The following HS3ST2 variants were observed in gnomAD, a reference collection of about 807,000 sequenced individuals.
HS3ST2 encodes the protein heparan sulfate glucosamine 3-O-sulfotransferase 2.
Under a neutral mutation model 26.3 loss-of-function variants are expected in HS3ST2, and 17 were observed. The ratio of observed to expected loss-of-function variants is 0.65; its 90% CI spans 0.44 to 0.97. HS3ST2 has a LOEUF of 0.97. Among genes scored for constraint, HS3ST2 ranks in the 50% least tolerant of loss-of-function variants. The pLI, the probability that HS3ST2 is intolerant of heterozygous loss-of-function variation, is 0.00. For missense variants in HS3ST2, 402 were observed against 501.2 expected, an observed-to-expected ratio of 0.80 and a Z score of 1.89; for synonymous variants, 237 against 219.2, an observed-to-expected ratio of 1.08 and a Z score of -0.72.
At chr16:22,886,693 A>G (rs771886399) in intron 1 of HS3ST2, among the ~76,000 whole-genome samples, 57 of 152,026 alleles carry the variant, frequency 3.7e-4, no homozygotes, top group Non-Finnish European at 5.6e-4. Flanking sequence ...AAAGGGAGAC[A>G]TTTACTCTGT....
intron 1 of HS3ST2, among the ~76,000 whole-genome samples, chr16:22,825,453 G>A (rs1302231841): frequency 6.6e-6 from 1 of 152,164 alleles, no homozygotes; most frequent in African/African-American, 2.4e-5. Flanking sequence ...GATGTTCGTG[G>A]AAAGTTTGCA....
At chr16:22,908,874 G>A (rs1304890018) in intron 1 of HS3ST2, among the ~76,000 whole-genome samples, 2 of 152,148 alleles carry the variant, frequency 1.3e-5, no homozygotes, top group Non-Finnish European at 2.9e-5. Context: ...AGGCCAGACT[G>A]TAAAAGATAG....
intron 1 of HS3ST2, among the ~76,000 whole-genome samples, chr16:22,914,231 T>C (rs1902460609): frequency 6.6e-6 from 1 of 152,184 alleles, no homozygotes; most frequent in Non-Finnish European, 1.5e-5. Flanking sequence ...ACCACTTTTA[T>C]TGGTAACTTA....
At chr16:22,908,166 T>C (rs1261959843) in intron 1 of HS3ST2, among the ~76,000 whole-genome samples, 1 of 152,108 alleles carries the variant, frequency 6.6e-6, no homozygotes, top group Non-Finnish European at 1.5e-5. Context: ...AAGTGGAATG[T>C]AGGCCATTGA....
chr16:22,818,247 A>C (rs1324999385), intron 1 of HS3ST2, among the ~76,000 whole-genome samples: 1 of 152,220 alleles, frequency 6.6e-6, no homozygotes, highest in Non-Finnish European at 1.5e-5. Flanking sequence ...GAACCAGGAC[A>C]GGGAACCACA....
intron 1 of HS3ST2, among the ~76,000 whole-genome samples, chr16:22,837,553 A>ATG (rs1284425384): frequency 2.1e-5 from 3 of 141,058 alleles, no homozygotes; most frequent in African/African-American, 8.1e-5. Flanking sequence ...ATGTATATAT[A>ATG]TGTATATATA....
chr16:22,894,949 T>A (rs571870701), intron 1 of HS3ST2, among the ~76,000 whole-genome samples: 1 of 152,346 alleles, frequency 6.6e-6, no homozygotes, highest in African/African-American at 2.4e-5. Context: ...TTATATTTTT[T>A]ATCCACTTAT....
At chr16:22,852,394 G>C (rs762125551) in intron 1 of HS3ST2, among the ~76,000 whole-genome samples, 59 of 152,268 alleles carry the variant, frequency 3.9e-4, no homozygotes, top group Non-Finnish European at 3.7e-4. Flanking sequence ...CCATGTTTTA[G>C]GAGGCAAGCT....
chr16:22,869,156 C>T (rs1901797665), intron 1 of HS3ST2, among the ~76,000 whole-genome samples: 1 of 151,940 alleles, frequency 6.6e-6, no homozygotes, highest in Non-Finnish European at 1.5e-5. Context: ...TAAAACTAGC[C>T]CTCAGAGACA....
intron 1 of HS3ST2, among the ~76,000 whole-genome samples, chr16:22,858,073 C>T (rs1901623876): frequency 7.0e-6 from 1 of 143,334 alleles, no homozygotes; most frequent in African/African-American, 2.7e-5. Context: ...ACACTTTTGC[C>T]CTCTTTAAGA....
At chr16:22,866,363 G>GGTGTGTGT (rs1442625101) in intron 1 of HS3ST2, among the ~76,000 whole-genome samples, 131 of 115,092 alleles carry the variant, frequency 1.1e-3, no homozygotes, top group African/African-American at 4.2e-3. Flanking sequence ...TTGACAATAT[G>GGTGTGTGT]GTGTGCGTGT....
chr16:22,856,806 A>G (rs891521261), intron 1 of HS3ST2, among the ~76,000 whole-genome samples: 5 of 152,052 alleles, frequency 3.3e-5, no homozygotes, highest in African/African-American at 1.2e-4. Flanking sequence ...TTTAATTCTG[A>G]CTTTTCTCAG....
chr16:22,843,172 G>A (rs1025023904), intron 1 of HS3ST2, among the ~76,000 whole-genome samples: 2 of 152,090 alleles, frequency 1.3e-5, no homozygotes, highest in Non-Finnish European at 2.9e-5. Flanking sequence ...GTGTGTGTGT[G>A]TGTGAACACA....
chr16:22,817,958 A>G (rs1171700278), intron 1 of HS3ST2, among the ~76,000 whole-genome samples: 1 of 152,234 alleles, frequency 6.6e-6, no homozygotes, highest in Non-Finnish European at 1.5e-5. Context: ...AGACACCATC[A>G]TTTGGAGAGA....
At chr16:22,828,055 G>T (rs1197692840) in intron 1 of HS3ST2, among the ~76,000 whole-genome samples, 1 of 152,096 alleles carries the variant, frequency 6.6e-6, no homozygotes, top group Non-Finnish European at 1.5e-5. Context: ...CCTTACAAGT[G>T]ACAGGCTGGA....
intron 1 of HS3ST2, among the ~76,000 whole-genome samples, chr16:22,827,193 C>A (rs965845791): frequency 3.4e-4 from 51 of 152,086 alleles, no homozygotes; most frequent in Admixed American, 3.9e-4. Flanking sequence ...GGGTGGCTGG[C>A]ATGTTTGAGG....
chr16:22,839,130 A>AT (rs535113180), intron 1 of HS3ST2, among the ~76,000 whole-genome samples: 174 of 152,364 alleles, frequency 1.1e-3, no homozygotes, highest in African/African-American at 4.0e-3. Flanking sequence ...AAAATAAAGC[A>AT]TATCTCTGCT....
intron 1 of HS3ST2, among the ~76,000 whole-genome samples, chr16:22,872,480 A>C (rs1000930316): frequency 1.3e-5 from 2 of 152,220 alleles, no homozygotes; most frequent in Non-Finnish European, 2.9e-5. Context: ...AACATACCAA[A>C]AATTTATAGT....
chr16:22,914,611 G>A (rs989375144), intron 1 of HS3ST2, among the ~76,000 whole-genome samples: 4 of 148,932 alleles, frequency 2.7e-5, no homozygotes, highest in Non-Finnish European at 5.9e-5. Context: ...AGGCTGAGAT[G>A]GGAAGATGGG....
Sources: allele counts gnomAD v4.1 joint callset (sites outside exome capture counted in the v4.1 genomes callset), GRCh38; gene constraint gnomAD v4.1.1; transcripts MANE v1.5; gene names NCBI Gene and HGNC (gene_info 2026-07-23, HGNC 2026-07-21).